The following NCAM2 variants were observed in gnomAD, a reference collection of about 807,000 sequenced individuals.
NCAM2 encodes the protein neural cell adhesion molecule 2, also known as N-CAM-2.
A neutral mutation model predicts 98.1 loss-of-function variants in NCAM2; 30 were observed. The ratio of observed to expected loss-of-function variants is 0.31; its 90% confidence interval spans 0.23 to 0.41. The LOEUF is 0.41. Among genes scored for constraint, NCAM2 ranks in the 10% least tolerant of loss-of-function variants. NCAM2 has a pLI of 1.00. For synonymous variants in NCAM2, 368 were observed against 342.4 expected, an observed-to-expected ratio of 1.07 and a Z score of -0.83; for missense variants, 867 against 1,005.8, an observed-to-expected ratio of 0.86 and a Z score of 1.87.
chr21:21,184,320 AAAAAG>A (rs769943742), intron 1 of NCAM2, among the ~76,000 whole-genome samples: 4 of 152,064 alleles, frequency 2.6e-5, no homozygotes, highest in Non-Finnish European at 5.9e-5. Flanking sequence ...AAATAAAAAA[AAAAAG>A]AAAAGAAAAA....
At chr21:21,421,749 T>C (rs77439109) in intron 11 of NCAM2, among the ~76,000 whole-genome samples, 2,588 of 152,294 alleles carry the variant, frequency 0.017, 72 homozygotes, top group African/African-American at 0.059. Flanking sequence ...CTATTTGCCT[T>C]GTAAAAGGTC....
intron 1 of NCAM2, among the ~76,000 whole-genome samples, chr21:21,277,015 A>G (rs781328825): frequency 3.1e-4 from 47 of 152,054 alleles, no homozygotes; most frequent in Admixed American, 1.1e-3. Flanking sequence ...ACTGTATTTG[A>G]CTTTTAAAAT....
chr21:21,015,631 G>A (rs1327843672), intron 1 of NCAM2, among the ~76,000 whole-genome samples: 1 of 152,108 alleles, frequency 6.6e-6, no homozygotes, highest in Non-Finnish European at 1.5e-5. Flanking sequence ...TGTGATATAT[G>A]CTTTATTGTA....
At chr21:21,051,928 A>G (rs2065117000) in intron 1 of NCAM2, among the ~76,000 whole-genome samples, 2 of 152,184 alleles carry the variant, frequency 1.3e-5, no homozygotes, top group African/African-American at 2.4e-5. Flanking sequence ...TACTGTTGCT[A>G]TCATGCTAAG....
intron 17 of NCAM2, among the ~76,000 whole-genome samples, chr21:21,537,410 C>T (rs1022350121): frequency 5.9e-5 from 9 of 152,174 alleles, no homozygotes; most frequent in African/African-American, 1.7e-4. Flanking sequence ...CTGGAGAAAA[C>T]GTAGTGCTAA....
At chr21:21,254,136 A>G (rs1568838350) in intron 1 of NCAM2, among the ~76,000 whole-genome samples, 2 of 152,200 alleles carry the variant, frequency 1.3e-5, no homozygotes, top group Non-Finnish European at 2.9e-5. Flanking sequence ...ATTTAGTTTC[A>G]TTTGTCTTAT....
At chr21:21,356,901 A>C (rs1202229367) in intron 8 of NCAM2, among the ~76,000 whole-genome samples, 4 of 152,196 alleles carry the variant, frequency 2.6e-5, no homozygotes, top group African/African-American at 9.6e-5. Context: ...GAGGCAGGAG[A>C]ATCGCTTGAA....
chr21:21,143,804 GT>G (rs201614786), intron 1 of NCAM2, among the ~76,000 whole-genome samples: 2,475 of 123,388 alleles, frequency 0.02, 70 homozygotes, highest in African/African-American at 0.062. Flanking sequence ...TTTTTAGGAA[GT>G]TTTTTTTTTT....
At chr21:21,039,509 AATTG>A (rs1468747649) in intron 1 of NCAM2, among the ~76,000 whole-genome samples, 3 of 152,226 alleles carry the variant, frequency 2.0e-5, no homozygotes, top group Non-Finnish European at 2.9e-5. Context: ...AAATGCCCTG[AATTG>A]ATTATTACAC....
chr21:21,440,516 GACAAAAAT>G, intron 12 of NCAM2, among the ~76,000 whole-genome samples: 1 of 151,746 alleles, frequency 6.6e-6, no homozygotes, highest in East Asian at 1.9e-4. Flanking sequence ...ACCTCATATT[GACAAAAAT>G]ACAAAAATTA....
chr21:21,386,758 A>C (rs1158072328), intron 9 of NCAM2, among the ~76,000 whole-genome samples: 1 of 143,500 alleles, frequency 7.0e-6, no homozygotes, highest in Non-Finnish European at 1.5e-5. Flanking sequence ...TTCAGAGATA[A>C]TGGTAAGAAA....
chr21:21,030,352 G>T (rs568098912), intron 1 of NCAM2, among the ~76,000 whole-genome samples: 16 of 152,298 alleles, frequency 1.1e-4, no homozygotes, highest in African/African-American at 3.9e-4. Context: ...TTCTACTGCT[G>T]TTGTCACAAA....
In NCAM2 at chr21:21,423,498, C is replaced by T. The variant is rs562473940; in HGVS notation, c.1480+4929C>T. 2.0e-5 allele frequency among the ~76,000 whole-genome samples: 3 copies of T among 152,164 alleles called. No individual in the cohort carries two copies. In the South Asian group the frequency reaches 6.2e-4, roughly 32 times the overall value. On this transcript the variant is annotated intron_variant, in intron 11 of 17. Transcript: ENST00000400546. ...ATACATCAATCTAGACATCAAGGAC[C>T]AAGGCTTAGTAAAATGAGATAATGA... is the stretch of plus-strand genomic sequence containing the variant.
At chr21:21,534,031 A>G (rs1989852753) in intron 16 of NCAM2, among the ~76,000 whole-genome samples, 1 of 152,056 alleles carries the variant, frequency 6.6e-6, no homozygotes, top group African/African-American at 2.4e-5. Flanking sequence ...TATTTAAAAG[A>G]AGACAACACA....
intron 1 of NCAM2, among the ~76,000 whole-genome samples, chr21:21,179,029 ACATAAATTCTAATAATTAT>A (rs2068386488): frequency 6.6e-6 from 1 of 152,114 alleles, no homozygotes; most frequent in African/African-American, 2.4e-5. Flanking sequence ...AGGGGCTAAC[ACATAAATTCTAATAATTAT>A]CAGAGCTTTC....
chr21:21,060,369 G>T (rs1033971789), intron 1 of NCAM2, among the ~76,000 whole-genome samples: 5 of 152,120 alleles, frequency 3.3e-5, no homozygotes, highest in Non-Finnish European at 5.9e-5. Context: ...TATGGGTTCT[G>T]TGTATTTTTT....
intron 11 of NCAM2, among the ~76,000 whole-genome samples, chr21:21,424,349 G>A (rs2077171099): frequency 6.6e-6 from 1 of 152,106 alleles, no homozygotes; most frequent in Non-Finnish European, 1.5e-5. Flanking sequence ...TAGATCTTGG[G>A]AATCTGAAGG....
rs200269454 is a variant in NCAM2 at position 21,537,908 on chromosome 21, A to G, written c.2465A>G (p.Lys822Arg). The change falls in exon 18 of 18, where the codon AAA becomes AGA. Residue 822 changes from lysine (K) to arginine (R), a missense_variant. Around this residue, in one of 5 missense-constraint regions of NCAM2, gnomAD observed 125 missense variants for 116.1 expected, o/e 1.08. Coordinates refer to ENST00000400546, the MANE Select transcript of NCAM2 (RefSeq NM_004540.5). ...EALNPETIEI[K>R]VSNDIIQSKE... ...CTAAATCCAGAAACTATAGAAATTA[A>G]AGTTTCTAACGACATCATTCAATCA... 283 of 1,584,082 alleles carry G rather than the reference A, an allele frequency of 1.8e-4. No homozygotes were observed. The highest frequency in any genetic ancestry group is 2.4e-4 in the Non-Finnish European group (276 of 1,166,068).
chr21:21,538,656 CTCTT>C lies in NCAM2; in HGVS notation c.*701_*704del, dbSNP rs1569147827. 6.6e-6 allele frequency: 1 copy of C among 151,968 alleles called. No individual in the cohort carries two copies. The highest frequency in any genetic ancestry group is 1.5e-5 in the Non-Finnish European group (1 of 67,962). 9.4% of individuals were successfully genotyped at this position (151,968 alleles called of 1,614,324 possible). A position where few individuals can be genotyped will look rare whatever the true frequency, so the allele number is the denominator to read the frequency against. ...TTAGAAAGACTTTCTAAATCTCTAT[CTCTT>C]TATATATGTCCTATTCATTCACAAT... On this transcript the variant is annotated 3_prime_UTR_variant, in exon 18 of 18. Coordinates refer to ENST00000400546, the MANE Select transcript of NCAM2 (RefSeq NM_004540.5).
Sources: allele counts gnomAD v4.1 joint callset (sites outside exome capture counted in the v4.1 genomes callset), GRCh38; gene constraint gnomAD v4.1.1; regional missense constraint gnomAD v4.1.1; transcripts MANE v1.5; gene names NCBI Gene and HGNC (gene_info 2026-07-23, HGNC 2026-07-21).